The following FUT8 variants were observed in gnomAD, a reference collection of about 807,000 sequenced individuals.
FUT8 encodes alpha-(1,6)-fucosyltransferase.
FUT8 carries 29 observed loss-of-function variants against 71.3 expected under a neutral mutation model. The observed-to-expected ratio is 0.41, with a 90% confidence interval of 0.30 to 0.55. The LOEUF (loss-of-function observed/expected upper bound fraction) is 0.55, where lower values mean the gene tolerates loss of function less well. Ranked by LOEUF, FUT8 falls within the 20% of genes least tolerant of loss-of-function variation. The pLI is 0.34. For missense variants in FUT8, 544 were observed against 702.1 expected (o/e 0.77, Z 2.55); for synonymous variants, 254 against 239.3 (o/e 1.06, Z -0.57).
the FUT8 span, among the ~76,000 whole-genome samples, chr14:65,392,356 CT>C: frequency 1.3e-5 from 2 of 152,212 alleles, no homozygotes; most frequent in African/African-American, 4.8e-5. Context: ...TAAGTATTCC[CT>C]GGAAGATATG....
At chr14:65,635,520 T>C (rs2140283430) in intron 6 of FUT8, among the ~76,000 whole-genome samples, 1 of 152,324 alleles carries the variant, frequency 6.6e-6, no homozygotes, top group East Asian at 1.9e-4. Context: ...GTATGCCAAT[T>C]TTGCTGAGAA....
intron 3 of FUT8, among the ~76,000 whole-genome samples, chr14:65,575,867 G>T (rs1886744996): frequency 6.6e-6 from 1 of 152,042 alleles, no homozygotes; most frequent in Admixed American, 6.6e-5. Context: ...TGATCTGCCC[G>T]CCTTGGCCTC....
intron 2 of FUT8, among the ~76,000 whole-genome samples, chr14:65,515,589 A>G (rs911113116): frequency 1.3e-5 from 2 of 152,156 alleles, no homozygotes; most frequent in African/African-American, 4.8e-5. Flanking sequence ...TAATAAACCA[A>G]TATTAAAGTT....
the FUT8 span, among the ~76,000 whole-genome samples, chr14:65,405,450 A>T: frequency 6.6e-6 from 1 of 152,186 alleles, no homozygotes; most frequent in Non-Finnish European, 1.5e-5. Flanking sequence ...CACTTTCATA[A>T]ACTTGATGGT....
At chr14:65,562,442 A>G (rs1885964517) in intron 3 of FUT8, among the ~76,000 whole-genome samples, 1 of 152,140 alleles carries the variant, frequency 6.6e-6, no homozygotes, top group South Asian at 2.1e-4. Context: ...AGTCTGTAAA[A>G]AATGTGACAT....
At chr14:65,454,734 T>G (rs956318934) in intron 1 of FUT8, among the ~76,000 whole-genome samples, 17 of 152,244 alleles carry the variant, frequency 1.1e-4, no homozygotes, top group Admixed American at 9.8e-4. Context: ...GTCTTTGTAC[T>G]GTTCTTGGGT....
chr14:65,579,057 G>A (rs1306663727), intron 3 of FUT8, among the ~76,000 whole-genome samples: 2 of 151,922 alleles, frequency 1.3e-5, no homozygotes, highest in Middle Eastern at 3.2e-3. Flanking sequence ...TTTCAAAAGT[G>A]TAATTTAATG....
At chr14:65,372,739 C>T in the FUT8 span, among the ~76,000 whole-genome samples, 2 of 152,196 alleles carry the variant, frequency 1.3e-5, no homozygotes, top group African/African-American at 4.8e-5. Context: ...TAGTAGAATG[C>T]TGTTCCTGTT....
chr14:65,544,828 T>C (rs1884893020), intron 2 of FUT8, among the ~76,000 whole-genome samples: 1 of 152,112 alleles, frequency 6.6e-6, no homozygotes, highest in African/African-American at 2.4e-5. Context: ...TGATAAGAAA[T>C]ATGAAGTATG....
At chr14:65,528,047 G>A (rs574235049) in intron 2 of FUT8, among the ~76,000 whole-genome samples, 2 of 152,338 alleles carry the variant, frequency 1.3e-5, no homozygotes, top group South Asian at 4.1e-4. Flanking sequence ...CCAGCTCTGT[G>A]CTGGGAGAAC....
At chr14:65,448,599 A>G (rs1178894356) in intron 1 of FUT8, among the ~76,000 whole-genome samples, 1 of 152,242 alleles carries the variant, frequency 6.6e-6, no homozygotes. Flanking sequence ...GTAGTGTGCT[A>G]GAAATCACTA....
rs559036115 is a variant in FUT8, at chr14:65,609,704, GTTCA to G, written c.204-6253_204-6250del. Among the ~76,000 whole-genome samples, 73 of 151,312 alleles carry G rather than the reference GTTCA, an allele frequency of 4.8e-4. 1 individual carries two copies. Among genetic ancestry groups the G allele is most frequent in the African/African-American group, 1.6e-3 (65 of 41,266 alleles). On this transcript the variant is annotated intron_variant, in intron 3 of 10. Transcript: ENST00000673929. ...CTTTTTTTAAATTTTTTAAATTTTT[GTTCA>G]TTCATTCATTCATTCATTCAATCAG... is the stretch of plus-strand genomic sequence containing the variant.
At chr14:65,556,045 A>G (rs1885571266) in intron 2 of FUT8, among the ~76,000 whole-genome samples, 1 of 152,208 alleles carries the variant, frequency 6.6e-6, no homozygotes, top group Non-Finnish European at 1.5e-5. Flanking sequence ...AGGGCTTTCT[A>G]TAACTTGCTA....
intron 2 of FUT8, among the ~76,000 whole-genome samples, chr14:65,492,939 C>T (rs1159852037): frequency 2.0e-5 from 3 of 152,002 alleles, no homozygotes; most frequent in African/African-American, 7.3e-5. Context: ...CTTCTCTCCT[C>T]CCCTTTATCT....
intron 3 of FUT8, among the ~76,000 whole-genome samples, chr14:65,570,702 G>A (rs1010439789): frequency 2.6e-5 from 4 of 151,984 alleles, no homozygotes; most frequent in African/African-American, 9.7e-5. Flanking sequence ...TAATTGTGTG[G>A]TAAAGGAAAG....
intron 5 of FUT8, among the ~76,000 whole-genome samples, chr14:65,623,501 A>G (rs978420129): frequency 6.6e-6 from 1 of 151,996 alleles, no homozygotes; most frequent in East Asian, 1.9e-4. Flanking sequence ...GGTGGATCAC[A>G]TGAGGCTGGG....
intron 3 of FUT8, among the ~76,000 whole-genome samples, chr14:65,571,536 T>C (rs1886478415): frequency 6.6e-6 from 1 of 152,138 alleles, no homozygotes; most frequent in African/African-American, 2.4e-5. Context: ...AAAATTCATT[T>C]TTCAACCACT....
the FUT8 span, among the ~76,000 whole-genome samples, chr14:65,400,626 C>G: frequency 1.3e-5 from 2 of 152,158 alleles, no homozygotes; most frequent in Non-Finnish European, 2.9e-5. Context: ...TGGCTCACAC[C>G]TATAATCCCA....
rs1008103386 is a variant in FUT8, at chr14:65,705,631, T to C, written c.836-16144T>C. Among the ~76,000 whole-genome samples, 3 of 152,342 alleles carry C rather than the reference T, an allele frequency of 2.0e-5. No individual in the cohort carries two copies. The South Asian group carries it at 6.2e-4, about 32-fold the overall frequency. ...ATCCTAGAAGTCCAGATAGTCTTTG[T>C]AGATATAAATTAAACATACAAATCC... On this transcript the variant is annotated intron_variant, in intron 7 of 10. Transcript: ENST00000673929.
Sources: allele counts gnomAD v4.1 joint callset (sites outside exome capture counted in the v4.1 genomes callset), GRCh38; gene constraint gnomAD v4.1.1; transcripts MANE v1.5; gene names NCBI Gene and HGNC (gene_info 2026-07-23, HGNC 2026-07-21).